GYS1: variants seen among roughly 807,000 people sequenced by gnomAD.
GYS1 encodes the protein glycogen synthase 1, also known as glycogen [starch] synthase, muscle.
Under a neutral mutation model 89.1 loss-of-function variants are expected in GYS1, and 60 were observed. The ratio of observed to expected loss-of-function variants is 0.67; its 90% CI spans 0.55 to 0.84. GYS1 has a LOEUF of 0.84. GYS1 is among the 40% of genes least tolerant of loss of function. The probability of loss-of-function intolerance (pLI) is 0.00; values close to 1 mark genes in which losing one functional copy is unlikely to be tolerated. For synonymous variants in GYS1, 366 were observed against 401.7 expected, an observed-to-expected ratio of 0.91 and a Z score of 1.06; for missense variants, 888 against 1,003.1, an observed-to-expected ratio of 0.89 and a Z score of 1.55.
At position 48,969,360 on chromosome 19, in the gene GYS1, G is replaced by A; in HGVS notation, c.2142C>T (p.Ala714=). The A allele has an allele frequency of 1.9e-6, 3 of 1,584,446 alleles. 1 individual carries two copies. The highest frequency in any genetic ancestry group is 2.3e-5 in the South Asian group (2 of 87,756). The change falls in exon 16 of 16, where the codon GCC becomes GCT. Residue 714 remains alanine, a synonymous_variant. Transcript: ENST00000323798. ...SGSKRNSVDT[A]TSSSLSTPSE... is the part of the protein sequence containing the mutation. The stretch of plus-strand genomic sequence containing the variant: ...TCGGGGTGCTGAGTGAGCTGGAGGT[G>A]GCCGTGTCCACAGAGTTGCGCTTGC...
chr19:48,987,339 A>G lies in GYS1; in HGVS notation c.347T>C (p.Leu116Pro). The change falls in exon 3 of 16, where the codon CTC becomes CCC. Residue 116 changes from leucine (L) to proline (P), a missense_variant. Coordinates refer to ENST00000323798, the MANE Select transcript of GYS1 (RefSeq NM_002103.5). ...CCAAGCTGAGGCACCCACGTCCAGG[A>G]GCACCACCAGAGGGCCTCCCTCGAT... Reference protein sequence around the residue: ...WLIEGGPLVVLLDVGASAWAL... With the variant: ...WLIEGGPLVVPLDVGASAWAL... 3.7e-6 allele frequency: 6 copies of G among 1,611,914 alleles called. No homozygotes were observed. Among genetic ancestry groups the G allele is most frequent in the Non-Finnish European group, 5.1e-6 (6 of 1,179,122 alleles).
At chr19:48,986,138 A>C (rs1262618182) in intron 3 of GYS1, 103 bp from the exon 4 acceptor site, 2 of 1,012,938 alleles carry the variant, frequency 2.0e-6, no homozygotes, top group Non-Finnish European at 3.0e-6. Flanking sequence ...ATCTGTCACC[A>C]CTACTGCACA....
Position 48,991,219 on chromosome 19 carries a change from AC to A in GYS1, c.300+82del. 6.9e-7 allele frequency: 1 copy of A among 1,457,446 alleles called. No individual in the cohort carries two copies. The allele number at this position is 1,457,446 out of a possible 1,614,324, so 90.3% of individuals were successfully genotyped here. On this transcript the variant is annotated intron_variant, in intron 2 of 15. Transcript: ENST00000323798. The surrounding 1 kb of genome is among the most constrained non-coding windows in gnomAD (Gnocchi z 4.7). ...CCTCGCTCTCTGGCTGGGGCTGTCCACCCTGCACCCTCTCCGTCTGTGGCTC... is the reference window on the plus strand; with the variant it reads ...CCTCGCTCTCTGGCTGGGGCTGTCCACCTGCACCCTCTCCGTCTGTGGCTC...
chr19:48,977,884 C>A lies in GYS1; in HGVS notation c.1308+40G>T. The A allele has an allele frequency of 2.0e-6, 3 of 1,517,670 alleles. No individual in the cohort carries two copies. In the South Asian group the frequency reaches 3.4e-5, roughly 17 times the overall value. 94.0% of individuals were successfully genotyped at this position (1,517,670 alleles called of 1,614,324 possible). ...CCTGGCAAGCTGCCTCTGGGGCTGC[C>A]AGGAACTGCTATCTCTCTGCACAGA... On this transcript the variant is annotated intron_variant, in intron 10 of 15. Transcript: ENST00000323798.
Position 48,991,604 on chromosome 19 carries a change from A to AGGGGAC in GYS1, c.119-127_119-122dup, listed in dbSNP as rs2038929937. On this transcript the variant is annotated intron_variant, in intron 1 of 15. Coordinates refer to ENST00000323798, the MANE Select transcript of GYS1 (RefSeq NM_002103.5). This position sits in a 1 kb window ranked among gnomAD's most constrained non-coding sequence, Gnocchi z 4.7. Reference sequence around the variant, plus strand: ...CCCAGACCTCTAGCTCAGGGGGAAGAGGGGACTGGGAGCCCATAGTTTGGA... The same window carrying AGGGGAC: ...CCCAGACCTCTAGCTCAGGGGGAAGAGGGGACGGGGACTGGGAGCCCATAGTTTGGA... 1 of 1,067,776 alleles carries AGGGGAC rather than the reference A, an allele frequency of 9.4e-7. No homozygotes were observed. 66.1% of individuals were successfully genotyped at this position (1,067,776 alleles called of 1,614,324 possible).
At chr19:48,971,528 A>C (rs2122464875) in intron 12 of GYS1, among the ~76,000 whole-genome samples, 1 of 151,510 alleles carries the variant, frequency 6.6e-6, no homozygotes, top group Non-Finnish European at 1.5e-5. Context: ...CAAGGAATGT[A>C]TTATAATTTT....
rs999037119 is a variant in GYS1 at position 48,969,944 on chromosome 19, G to A, written c.1810-89C>T. On this transcript the variant is annotated intron_variant, in intron 14 of 15. Transcript: ENST00000323798. Reference sequence around the variant, plus strand: ...TGGGGGTCTTGGCCACACCCTTTATGCAGATGAGCACACTGCTGCACCCCA... The same window carrying A: ...TGGGGGTCTTGGCCACACCCTTTATACAGATGAGCACACTGCTGCACCCCA... 13 of 825,120 alleles carry A rather than the reference G, an allele frequency of 1.6e-5. No individual in the cohort carries two copies. In the African/African-American group the frequency reaches 2.0e-4, roughly 13 times the overall value. 51.1% of individuals were successfully genotyped at this position (825,120 alleles called of 1,614,324 possible).
intron 5 of GYS1, 32 bp from the exon 6 acceptor site, chr19:48,982,869 T>C: frequency 1.5e-6 from 2 of 1,330,902 alleles, no homozygotes; most frequent in African/African-American, 1.4e-5. Flanking sequence ...CCATGTTTTA[T>C]TTGTTCATTC....
chr19:48,969,536 G>A lies in GYS1; in HGVS notation c.1966C>T (p.Gln656Ter), dbSNP rs1199839572. 1.0e-5 allele frequency: 16 copies of A among 1,541,840 alleles called. No individual in the cohort carries two copies. Among genetic ancestry groups the A allele is most frequent in the Non-Finnish European group, 1.3e-5 (15 of 1,146,874 alleles). Residue 656 changes from glutamine to a stop codon, truncating the protein, a stop_gained, in exon 16 of 16, where the codon CAG becomes TAG. Coordinates refer to ENST00000323798, the MANE Select transcript of GYS1 (RefSeq NM_002103.5). LOFTEE classifies it high-confidence loss of function. ...PSLSRHSSPH[Q>*]SEDEEDPRNG... Reference sequence around the variant, plus strand: ...CGGGGATCCTCCTCGTCCTCACTCTGGTGCGGGCTGGAGTGTCGTGACAGC... The same window carrying A: ...CGGGGATCCTCCTCGTCCTCACTCTAGTGCGGGCTGGAGTGTCGTGACAGC...
chr19:48,983,658 G>C (rs955798378), intron 5 of GYS1, among the ~76,000 whole-genome samples: 3 of 152,180 alleles, frequency 2.0e-5, no homozygotes, highest in African/African-American at 7.2e-5. Context: ...CCAGTCAAAG[G>C]CCTTCTGGGA....
intron 2 of GYS1, among the ~76,000 whole-genome samples, chr19:48,990,381 T>C (rs1391743408): frequency 6.6e-6 from 1 of 152,098 alleles, no homozygotes; most frequent in Non-Finnish European, 1.5e-5. Context: ...CTCTCCTCTC[T>C]TCCCCGATAT....
chr19:48,977,843 C>A, intron 10 of GYS1, 81 bp downstream of exon 10: 2 of 1,023,040 alleles, frequency 2.0e-6, no homozygotes, highest in South Asian at 1.3e-5. Context: ...CCAGCAATCT[C>A]TGGGGTCTGA....
intron 10 of GYS1, among the ~76,000 whole-genome samples, chr19:48,976,289 A>G (rs1277064709): frequency 6.6e-6 from 1 of 152,124 alleles, no homozygotes; most frequent in Non-Finnish European, 1.5e-5. Context: ...ATGGCTCCCC[A>G]ATGTAGACCA....
At chr19:48,971,448 A>G (rs575880870) in intron 12 of GYS1, among the ~76,000 whole-genome samples, 1 of 152,172 alleles carries the variant, frequency 6.6e-6, no homozygotes, top group African/African-American at 2.4e-5. Flanking sequence ...GTCTCTCATT[A>G]TTAGTATCCC....
In GYS1 at chr19:48,981,670, C is replaced by A; in HGVS notation, c.1063-34G>T. On this transcript the variant is annotated intron_variant, in intron 7 of 15. Transcript: ENST00000323798. Reference sequence around the variant, plus strand: ...AAAGAAAGGAGGGGGAGGCCAGGATCATGTGGGGGAAGCCTGGAACCAGCC... The same window carrying A: ...AAAGAAAGGAGGGGGAGGCCAGGATAATGTGGGGGAAGCCTGGAACCAGCC... 2.2e-6 allele frequency: 3 copies of A among 1,348,306 alleles called. No homozygotes were observed. The South Asian group carries it at 3.5e-5, about 16-fold the overall frequency. 83.5% of individuals were successfully genotyped at this position (1,348,306 alleles called of 1,614,324 possible).
In GYS1 at chr19:48,986,294, C is replaced by G. The variant is rs866750512; in HGVS notation, c.493-259G>C. On this transcript the variant is annotated intron_variant, in intron 3 of 15. Transcript: ENST00000323798. ...AACTGAGGATTTTTTGGCCAACCAT[C>G]TAAGTCCTGGCAGGGTTAGATTGGA... is the stretch of plus-strand genomic sequence containing the variant. Among the ~76,000 whole-genome samples the G allele has an allele frequency of 3.3e-5, 5 of 152,182 alleles. No individual in the cohort carries two copies. In the Middle Eastern group the frequency reaches 0.01, roughly 311 times the overall value.
intron 11 of GYS1, 123 bp downstream of exon 11, chr19:48,974,497 A>G: frequency 9.5e-7 from 1 of 1,049,580 alleles, no homozygotes; most frequent in East Asian, 2.5e-5. Context: ...CTCAGAAGCC[A>G]GGGTTCTTTC....
At chr19:48,973,249 A>C (rs1041633737) in intron 12 of GYS1, among the ~76,000 whole-genome samples, 10 of 151,918 alleles carry the variant, frequency 6.6e-5, no homozygotes, top group Non-Finnish European at 1.2e-4. Flanking sequence ...GCCATGACTG[A>C]GTTTTCTGAG....
chr19:48,969,204 A>G lies in GYS1; in HGVS notation c.*84T>C. On this transcript the variant is annotated 3_prime_UTR_variant, in exon 16 of 16. Coordinates refer to ENST00000323798, the MANE Select transcript of GYS1 (RefSeq NM_002103.5). ...GGGGCCACACCCAGTGCAGATCTGG[A>G]GCGGGGGTTTAGGAGCAGCACCCCT... 1.6e-6 allele frequency: 2 copies of G among 1,254,816 alleles called. No homozygotes were observed. The highest frequency in any genetic ancestry group is 2.2e-6 in the Non-Finnish European group (2 of 908,722). 77.7% of individuals were successfully genotyped at this position (1,254,816 alleles called of 1,614,324 possible).
Sources: allele counts gnomAD v4.1 joint callset (sites outside exome capture counted in the v4.1 genomes callset), GRCh38; gene constraint gnomAD v4.1.1; non-coding constraint Gnocchi (gnomAD v3.1); transcripts MANE v1.5; gene names NCBI Gene and HGNC (gene_info 2026-07-23, HGNC 2026-07-21).